ALMS1: variants seen among roughly 807,000 people sequenced by gnomAD.
ALMS1 encodes centrosome-associated protein ALMS1.
Under a neutral mutation model 352.2 loss-of-function variants are expected in ALMS1, and 271 were observed. That is an observed-to-expected ratio of 0.77 (90% CI 0.70 to 0.85). The LOEUF (loss-of-function observed/expected upper bound fraction) is 0.85. Among genes scored for constraint, ALMS1 ranks in the 40% least tolerant of loss-of-function variants. The pLI, the probability that ALMS1 is intolerant of heterozygous loss-of-function variation, is 0.00. For missense variants in ALMS1, 5,445 were observed against 4,870.7 expected, an observed-to-expected ratio of 1.12 and a Z score of -3.51; for synonymous variants, 1,865 against 1,761.2, an observed-to-expected ratio of 1.06 and a Z score of -1.48.
At chr2:73,420,523 A>T (rs1030446569) in intron 3 of ALMS1, among the ~76,000 whole-genome samples, 1 of 152,194 alleles carries the variant, frequency 6.6e-6, no homozygotes, top group African/African-American at 2.4e-5. Context: ...TACATAACTT[A>T]AAGGGAAGCT....
intron 11 of ALMS1, among the ~76,000 whole-genome samples, chr2:73,525,048 A>G (rs1472218714): frequency 6.6e-6 from 1 of 152,150 alleles, no homozygotes; most frequent in African/African-American, 2.4e-5. Context: ...AGTTTCATCC[A>G]TGTTGCTGCA....
At chr2:73,583,400 C>G (rs914771462) in intron 16 of ALMS1, among the ~76,000 whole-genome samples, 1 of 151,988 alleles carries the variant, frequency 6.6e-6, no homozygotes, top group African/African-American at 2.4e-5. Flanking sequence ...TGTATGTTAA[C>G]CCCTTCTCAG....
intron 15 of ALMS1, among the ~76,000 whole-genome samples, chr2:73,562,538 A>C (rs1201064936): frequency 6.6e-6 from 1 of 152,166 alleles, no homozygotes; most frequent in Non-Finnish European, 1.5e-5. Flanking sequence ...ATAAATGAGC[A>C]AACTTCACCT....
intron 9 of ALMS1, among the ~76,000 whole-genome samples, chr2:73,456,508 T>G (rs1454022358): frequency 1.3e-5 from 2 of 152,208 alleles, no homozygotes; most frequent in East Asian, 3.8e-4. Context: ...GTAGAACGTG[T>G]GATGTCTAGT....
rs555343293 is a variant in ALMS1 at position 73,406,436 on chromosome 2, G to GT, written c.325-2169dup. Among the ~76,000 whole-genome samples, 1,160 of 121,988 alleles carry GT rather than the reference G, an allele frequency of 9.5e-3. 9 individuals are homozygous for GT. Among genetic ancestry groups the GT allele is most frequent in the African/African-American group, 0.023 (753 of 32,938 alleles). The allele number at this position is 121,988 out of a possible 152,430, so 80.0% of individuals were successfully genotyped here. Reference sequence around the variant, plus strand: ...TGGGTCCTGTTTTTTAATCCTATGGGTTTTTTTTTTTTTTTTTGGTAATTT... The same window carrying GT: ...TGGGTCCTGTTTTTTAATCCTATGGGTTTTTTTTTTTTTTTTTTGGTAATTT... On this transcript the variant is annotated intron_variant, in intron 1 of 22. Transcript: ENST00000613296.
intron 3 of ALMS1, among the ~76,000 whole-genome samples, chr2:73,421,553 T>A (rs11893870): frequency 0.016 from 2,416 of 152,284 alleles, 63 homozygotes; most frequent in African/African-American, 0.055. Flanking sequence ...GTTTTTCATT[T>A]TTAATTAATT....
intron 1 of ALMS1, among the ~76,000 whole-genome samples, chr2:73,407,165 A>G (rs1397904214): frequency 6.6e-6 from 1 of 152,166 alleles, no homozygotes; most frequent in Admixed American, 6.5e-5. Context: ...TGCAGGGCAC[A>G]TGGTGAGGGG....
rs778927340 is a variant in ALMS1 at position 73,453,025 on chromosome 2, A to C, written c.6498A>C (p.Leu2166=). The C allele has an allele frequency of 3.1e-6, 5 of 1,613,416 alleles. No individual in the cohort carries two copies. The African/African-American group carries it at 6.7e-5, about 22-fold the overall frequency. ...LPDRHLTEDA[L]KISSALGQAD... ...ATAGACATCTAACTGAAGATGCTCT[A>C]AAGATCTCAAGTGCTCTTGGGCAAG... The change falls in exon 8 of 23, where the codon CTA becomes CTC. Residue 2166 remains leucine (L), a synonymous_variant. Transcript: ENST00000613296.
intron 9 of ALMS1, chr2:73,470,767 A>T (rs1672449891): frequency 6.6e-6 from 1 of 151,654 alleles, no homozygotes. Context: ...TGTTTGCTTT[A>T]TGTATTTAGG....
chr2:73,604,160 G>T (rs1234772915), intron 21 of ALMS1, among the ~76,000 whole-genome samples: 1 of 152,158 alleles, frequency 6.6e-6, no homozygotes, highest in African/African-American at 2.4e-5. Context: ...CCTTTGGAAA[G>T]GATAACAGTA....
At chr2:73,397,513 G>T (rs1670787579) in intron 1 of ALMS1, among the ~76,000 whole-genome samples, 1 of 151,958 alleles carries the variant, frequency 6.6e-6, no homozygotes, top group African/African-American at 2.4e-5. Flanking sequence ...TGTTGCCTAG[G>T]CTGGAATGCA....
At chr2:73,562,116 A>G (rs1558695448) in intron 15 of ALMS1, among the ~76,000 whole-genome samples, 1 of 152,126 alleles carries the variant, frequency 6.6e-6, no homozygotes, top group East Asian at 1.9e-4. Context: ...AAAAATAAAG[A>G]TATAAGGAAG....
In ALMS1 at chr2:73,602,381, C is replaced by T. The variant is rs202064010; in HGVS notation, c.12298+13C>T. The T allele has an allele frequency of 2.9e-5, 47 of 1,613,738 alleles. No individual in the cohort carries two copies. The Admixed American group carries it at 3.3e-4, about 11-fold the overall frequency. ...CTGCCCAAGAGAGGTACGCCCTGCC[C>T]GTTCACTTTCCTGTGAGTGGAATAG... On this transcript the variant is annotated intron_variant, in intron 20 of 22. Coordinates refer to ENST00000613296, the MANE Select transcript of ALMS1 (RefSeq NM_001378454.1).
At position 73,600,675 on chromosome 2, in the gene ALMS1, C is replaced by T. The variant is rs767901840; in HGVS notation, c.11669-3C>T. ...CAGAGACACCTATGATCCTTCCCCT[C>T]AGGTAACTTGGAGATTGTGAACGGT... is the stretch of plus-strand genomic sequence containing the variant. On this transcript the variant is annotated splice_polypyrimidine_tract_variant and splice_region_variant and intron_variant, in intron 17 of 22. Coordinates refer to ENST00000613296, the MANE Select transcript of ALMS1 (RefSeq NM_001378454.1). 1.2e-6 allele frequency: 2 copies of T among 1,611,738 alleles called. No homozygotes were observed. Among genetic ancestry groups the T allele is most frequent in the African/African-American group, 1.3e-5 (1 of 74,934 alleles).
intron 7 of ALMS1, among the ~76,000 whole-genome samples, chr2:73,446,976 GAC>G (rs1671821718): frequency 6.6e-6 from 1 of 152,130 alleles, no homozygotes. Flanking sequence ...AACACCATCT[GAC>G]ACATCATATG....
intron 1 of ALMS1, among the ~76,000 whole-genome samples, chr2:73,407,917 G>A (rs1421702792): frequency 6.6e-6 from 1 of 152,086 alleles, no homozygotes; most frequent in East Asian, 1.9e-4. Context: ...TGGAAGTATA[G>A]TTTGTAATCG....
chr2:73,561,099 T>C (rs571548993), intron 15 of ALMS1, among the ~76,000 whole-genome samples: 2 of 152,346 alleles, frequency 1.3e-5, no homozygotes, highest in East Asian at 3.9e-4. Flanking sequence ...AACTCAGGAT[T>C]GCACATAACC....
chr2:73,587,951 C>T (rs899340679), intron 16 of ALMS1, among the ~76,000 whole-genome samples: 1 of 152,010 alleles, frequency 6.6e-6, no homozygotes, highest in African/African-American at 2.4e-5. Flanking sequence ...AATATACAAC[C>T]CTTCTATATT....
chr2:73,420,726 C>T (rs1671266344), intron 3 of ALMS1, among the ~76,000 whole-genome samples: 2 of 152,168 alleles, frequency 1.3e-5, no homozygotes, highest in South Asian at 4.1e-4. Flanking sequence ...AGTTTTATAA[C>T]TCTGGCTTCT....
Sources: gnomAD v4.1 joint callset for allele counts (sites outside exome capture counted in the v4.1 genomes callset) on GRCh38, gnomAD v4.1.1 for gene constraint, MANE v1.5 for transcripts, NCBI Gene and HGNC (gene_info 2026-07-23, HGNC 2026-07-21) for gene names.